KDM4C: variants seen among roughly 807,000 people sequenced by gnomAD.
The protein encoded by KDM4C is lysine-specific demethylase 4C.
Under a neutral mutation model 129.3 loss-of-function variants are expected in KDM4C, and 81 were observed. The observed-to-expected ratio is 0.63, with a 90% CI of 0.52 to 0.75. The LOEUF (loss-of-function observed/expected upper bound fraction) is 0.75, where lower values mean the gene tolerates loss of function less well. KDM4C is among the 30% of genes least tolerant of loss of function. The probability of loss-of-function intolerance (pLI) is 0.00; values close to 1 mark genes in which losing one functional copy is unlikely to be tolerated. For synonymous variants in KDM4C, 573 were observed against 456.1 expected (o/e 1.26, Z -3.26); for missense variants, 1,457 against 1,304.0 (o/e 1.12, Z -1.81).
At chr9:7,061,695 C>T (rs1831691819) in intron 17 of KDM4C, among the ~76,000 whole-genome samples, 1 of 152,072 alleles carries the variant, frequency 6.6e-6, no homozygotes. Flanking sequence ...AGTAAGTCCA[C>T]TTTTTTCCCA....
At chr9:7,161,974 G>C (rs1421857596) in intron 19 of KDM4C, among the ~76,000 whole-genome samples, 2 of 152,182 alleles carry the variant, frequency 1.3e-5, no homozygotes, top group African/African-American at 2.4e-5. Flanking sequence ...ACAGAAATAA[G>C]CTCTTTTATG....
At chr9:7,069,335 A>G (rs937690871) in intron 17 of KDM4C, among the ~76,000 whole-genome samples, 2 of 152,208 alleles carry the variant, frequency 1.3e-5, no homozygotes, top group Non-Finnish European at 2.9e-5. Context: ...TACATAGAAT[A>G]TTACGCATAT....
chr9:7,121,009 A>G (rs575361543), intron 18 of KDM4C, among the ~76,000 whole-genome samples: 2 of 152,384 alleles, frequency 1.3e-5, no homozygotes, highest in Non-Finnish European at 1.5e-5. Context: ...AGAAACACAT[A>G]AAGAAGTACT....
intron 15 of KDM4C, among the ~76,000 whole-genome samples, chr9:7,046,034 A>G (rs1829340740): frequency 6.6e-6 from 1 of 152,044 alleles, no homozygotes; most frequent in Non-Finnish European, 1.5e-5. Context: ...AAAATGTATT[A>G]ATGCAGAAAA....
rs528021484 is a variant in KDM4C, at chr9:7,107,586, A to C, written c.2610+3716A>C. Among the ~76,000 whole-genome samples the C allele has an allele frequency of 3.3e-5, 5 of 152,256 alleles. 1 individual carries two copies. The highest frequency in any genetic ancestry group is 1.2e-4 in the African/African-American group (5 of 41,476). On this transcript the variant is annotated intron_variant, in intron 18 of 21. Transcript: ENST00000381309. ...CACTTGCACTTTGTTAATTCACTGC[A>C]ATGAACATGGCCTCTTTATACATCT...
intron 8 of KDM4C, among the ~76,000 whole-genome samples, chr9:6,973,422 TA>T (rs1432796448): frequency 6.6e-6 from 1 of 152,208 alleles, no homozygotes; most frequent in Non-Finnish European, 1.5e-5. Flanking sequence ...TTTCTTTAGG[TA>T]TTTTCCCACT....
chr9:7,150,328 A>G (rs1842616390), intron 19 of KDM4C, among the ~76,000 whole-genome samples: 2 of 152,218 alleles, frequency 1.3e-5, no homozygotes, highest in South Asian at 2.1e-4. Flanking sequence ...AGGAAGTGGC[A>G]TGAGGAACTT....
intron 21 of KDM4C, among the ~76,000 whole-genome samples, chr9:7,173,576 G>A (rs1845166082): frequency 6.6e-6 from 1 of 152,218 alleles, no homozygotes; most frequent in South Asian, 2.1e-4. Flanking sequence ...GCAGAGGTGA[G>A]GGCCTGCCCC....
intron 8 of KDM4C, among the ~76,000 whole-genome samples, chr9:6,936,680 A>G (rs980135360): frequency 1.3e-5 from 2 of 152,216 alleles, no homozygotes; most frequent in Admixed American, 6.5e-5. Flanking sequence ...GTTTGTAGAA[A>G]GGTTCCTGTG....
intron 8 of KDM4C, among the ~76,000 whole-genome samples, chr9:6,953,453 C>A (rs1489842857): frequency 2.0e-5 from 3 of 152,226 alleles, no homozygotes; most frequent in African/African-American, 7.2e-5. Flanking sequence ...ATGCAATAAT[C>A]TGATCAATCT....
At chr9:6,799,979 T>C (rs2130954436) in intron 2 of KDM4C, among the ~76,000 whole-genome samples, 1 of 152,152 alleles carries the variant, frequency 6.6e-6, no homozygotes, top group East Asian at 1.9e-4. Flanking sequence ...TCCCAGCACT[T>C]TGGGAGGCCA....
In KDM4C at chr9:7,159,298, G is replaced by A. The variant is rs1298091501; in HGVS notation, c.2782-5940G>A. ...GATTCTTTATCCAGTTTGCCAGTCTGTGTCTTTCAATTGGGGCATTTAGCC... is the reference window on the plus strand; with the variant it reads ...GATTCTTTATCCAGTTTGCCAGTCTATGTCTTTCAATTGGGGCATTTAGCC... On this transcript the variant is annotated intron_variant, in intron 19 of 21. Coordinates refer to ENST00000381309, the MANE Select transcript of KDM4C (RefSeq NM_015061.6). 2.6e-5 allele frequency among the ~76,000 whole-genome samples: 4 copies of A among 152,148 alleles called. No homozygotes were observed. The East Asian group carries it at 5.8e-4, about 22-fold the overall frequency.
chr9:6,901,659 C>T (rs750563706), intron 8 of KDM4C, among the ~76,000 whole-genome samples: 38 of 151,980 alleles, frequency 2.5e-4, no homozygotes, highest in Admixed American at 3.9e-4. Flanking sequence ...AGGTAACTGG[C>T]GAGTAACTGG....
At chr9:6,724,301 G>C (rs776582263) in intron 1 of KDM4C, among the ~76,000 whole-genome samples, 2 of 152,100 alleles carry the variant, frequency 1.3e-5, no homozygotes. Context: ...ACCGCTGCCT[G>C]GTATACTCCA....
chr9:6,841,175 GT>G (rs1257830427), intron 4 of KDM4C, among the ~76,000 whole-genome samples: 4 of 152,008 alleles, frequency 2.6e-5, no homozygotes, highest in Non-Finnish European at 5.9e-5. Context: ...TGAAGTGGTA[GT>G]TCCCCCTGTG....
chr9:6,834,881 T>C, intron 4 of KDM4C: 1 of 1,305,252 alleles, frequency 7.7e-7, no homozygotes, highest in Non-Finnish European at 1.1e-6. Context: ...GCTGTCCCTG[T>C]ACTTCTTTGG....
At chr9:6,787,158 G>A (rs994786581) in intron 1 of KDM4C, among the ~76,000 whole-genome samples, 52 of 152,166 alleles carry the variant, frequency 3.4e-4, no homozygotes, top group African/African-American at 1.3e-3. Context: ...CAAGGTCTAG[G>A]TTTAATTCTA....
intron 17 of KDM4C, among the ~76,000 whole-genome samples, chr9:7,090,654 A>G (rs1835686737): frequency 6.6e-6 from 1 of 152,226 alleles, no homozygotes; most frequent in Admixed American, 6.5e-5. Flanking sequence ...TGACCTCCCC[A>G]TAGAAGGTTC....
intron 17 of KDM4C, among the ~76,000 whole-genome samples, chr9:7,053,889 G>A (rs1046097551): frequency 6.6e-6 from 1 of 152,226 alleles, no homozygotes; most frequent in African/African-American, 2.4e-5. Context: ...CTTAAGAAAT[G>A]AAAAGTTAGC....
Sources: gnomAD v4.1 joint callset for allele counts (sites outside exome capture counted in the v4.1 genomes callset) on GRCh38, gnomAD v4.1.1 for gene constraint, MANE v1.5 for transcripts, NCBI Gene and HGNC (gene_info 2026-07-23, HGNC 2026-07-21) for gene names.